KIAA1549L: variants seen among roughly 807,000 people sequenced by gnomAD.
KIAA1549L encodes KIAA1549 like.
A neutral mutation model predicts 160.7 loss-of-function variants in KIAA1549L; 88 were observed. The observed-to-expected ratio is 0.55, with a 90% confidence interval of 0.46 to 0.65. The LOEUF (loss-of-function observed/expected upper bound fraction) is 0.65. KIAA1549L is among the 30% of genes least tolerant of loss of function. The pLI is 0.00. For synonymous variants in KIAA1549L, 950 were observed against 976.7 expected (o/e 0.97, Z 0.51); for missense variants, 2,258 against 2,437.5 (o/e 0.93, Z 1.55).
chr11:33,509,653 T>G (rs1242653667), intron 1 of KIAA1549L, among the ~76,000 whole-genome samples: 2 of 152,230 alleles, frequency 1.3e-5, no homozygotes, highest in African/African-American at 4.8e-5. Context: ...GGTTTATGAT[T>G]TAGAGCCTTA....
intron 1 of KIAA1549L, among the ~76,000 whole-genome samples, chr11:33,538,063 A>G (rs1853932290): frequency 6.6e-6 from 1 of 152,194 alleles, no homozygotes; most frequent in Non-Finnish European, 1.5e-5. Flanking sequence ...GGCCTCAGGA[A>G]ACTTACAATT....
chr11:33,471,091 G>T (rs1179850385), intron 1 of KIAA1549L, among the ~76,000 whole-genome samples: 5 of 152,194 alleles, frequency 3.3e-5, no homozygotes, highest in Admixed American at 1.3e-4. Flanking sequence ...GAGTAGCTGG[G>T]ACTACACGCA....
intron 1 of KIAA1549L, among the ~76,000 whole-genome samples, chr11:33,505,514 G>T (rs563044055): frequency 4.4e-4 from 67 of 152,196 alleles, no homozygotes; most frequent in African/African-American, 1.4e-3. Context: ...TAATTGTTTT[G>T]TGTGTTAGAA....
intron 12 of KIAA1549L, among the ~76,000 whole-genome samples, chr11:33,595,695 A>C (rs1850181001): frequency 6.6e-6 from 1 of 152,120 alleles, no homozygotes; most frequent in African/African-American, 2.4e-5. Context: ...ACCCGTTATG[A>C]ATCTTATGTT....
chr11:33,421,842 G>A (rs973536298), intron 1 of KIAA1549L, among the ~76,000 whole-genome samples: 5 of 152,086 alleles, frequency 3.3e-5, no homozygotes, highest in Non-Finnish European at 5.9e-5. Flanking sequence ...CACAATTACT[G>A]GAGGGTTTGT....
At chr11:33,584,630 T>A (rs1051418365) in intron 11 of KIAA1549L, among the ~76,000 whole-genome samples, 2 of 152,244 alleles carry the variant, frequency 1.3e-5, no homozygotes, top group African/African-American at 4.8e-5. Flanking sequence ...ATCACCTCGT[T>A]TGTTCATCAC....
At chr11:33,485,532 C>A (rs897906778) in intron 1 of KIAA1549L, among the ~76,000 whole-genome samples, 13 of 151,660 alleles carry the variant, frequency 8.6e-5, no homozygotes, top group African/African-American at 3.2e-4. Context: ...ATTAAAAAAA[C>A]CTGTTATATA....
rs145495024 is a variant in KIAA1549L at position 33,648,812 on chromosome 11, G to C, written c.5760+2776G>C. Among the ~76,000 whole-genome samples the C allele has an allele frequency of 9.1e-4, 138 of 151,884 alleles. 2 individuals carry two copies. The East Asian group carries it at 0.026, about 29-fold the overall frequency. On this transcript the variant is annotated intron_variant, in intron 17 of 20. Coordinates refer to ENST00000658780, the MANE Select transcript of KIAA1549L (RefSeq NM_012194.3). ...CTTCCTGTTGTTGGGAGACAAGAAG[G>C]GGATTTCAAAAAAGACAACAGGGCT...
intron 13 of KIAA1549L, 159 bp downstream of exon 13, chr11:33,599,106 A>G (rs1476872438): frequency 4.1e-6 from 3 of 732,096 alleles, no homozygotes; most frequent in Non-Finnish European, 6.6e-6. Flanking sequence ...GTCTGTATGT[A>G]CCCCTTGGGT....
chr11:33,563,342 G>A (rs1854933837), intron 8 of KIAA1549L, among the ~76,000 whole-genome samples: 1 of 106,508 alleles, frequency 9.4e-6, no homozygotes, highest in Admixed American at 1.0e-4. Context: ...GAGTGAGACC[G>A]TGTCTCAAAA....
At chr11:33,663,336 T>C (rs1032100128) in intron 20 of KIAA1549L, among the ~76,000 whole-genome samples, 22 of 152,306 alleles carry the variant, frequency 1.4e-4, no homozygotes, top group Middle Eastern at 3.4e-3. Flanking sequence ...AAGTTGGTGA[T>C]GTCTGCCATG....
intron 7 of KIAA1549L, among the ~76,000 whole-genome samples, chr11:33,560,961 A>C (rs1406606468): frequency 6.6e-6 from 1 of 152,082 alleles, no homozygotes; most frequent in Non-Finnish European, 1.5e-5. Context: ...TCAGCATGTG[A>C]AGACTTTATT....
intron 17 of KIAA1549L, among the ~76,000 whole-genome samples, chr11:33,652,053 A>G (rs902774974): frequency 6.6e-6 from 1 of 150,516 alleles, no homozygotes; most frequent in Admixed American, 6.6e-5. Context: ...GACTGCCTTC[A>G]GTCCTGAGTC....
chr11:33,506,940 A>G (rs1853105066), intron 1 of KIAA1549L, among the ~76,000 whole-genome samples: 1 of 152,096 alleles, frequency 6.6e-6, no homozygotes, highest in Non-Finnish European at 1.5e-5. Context: ...TGGGCCAAGG[A>G]GGGCATGGTG....
chr11:33,638,424 A>T (rs1851497877), intron 16 of KIAA1549L, among the ~76,000 whole-genome samples: 1 of 15,834 alleles, frequency 6.3e-5, no homozygotes, highest in African/African-American at 8.0e-4. Context: ...AAAATAAATA[A>T]AAAAAAAAAA....
At chr11:33,643,187 A>G (rs1347232320) in intron 16 of KIAA1549L, among the ~76,000 whole-genome samples, 1 of 152,078 alleles carries the variant, frequency 6.6e-6, no homozygotes, top group Non-Finnish European at 1.5e-5. Flanking sequence ...TCATTTGGGG[A>G]TCATGGGGTA....
In KIAA1549L at chr11:33,609,823, G is replaced by A. The variant is rs746968299; in HGVS notation, c.5136G>A (p.Lys1712=). 3 of 1,613,910 alleles carry A rather than the reference G, an allele frequency of 1.9e-6. No individual in the cohort carries two copies. Among genetic ancestry groups the A allele is most frequent in the Non-Finnish European group, 2.5e-6 (3 of 1,179,846 alleles). ...RNKLRLKAKR[K]GYYDFPAVET... ...AGCTGCGCCTCAAAGCCAAGAGGAAGGGATATTACGACTTCCCTGCAGTGG... is the reference window on the plus strand; with the variant it reads ...AGCTGCGCCTCAAAGCCAAGAGGAAAGGATATTACGACTTCCCTGCAGTGG... Residue 1712 remains lysine, a synonymous_variant, in exon 15 of 21, where the codon AAG becomes AAA. Coordinates refer to ENST00000658780, the MANE Select transcript of KIAA1549L (RefSeq NM_012194.3).
intron 1 of KIAA1549L, among the ~76,000 whole-genome samples, chr11:33,467,896 G>T (rs950575953): frequency 1.1e-4 from 17 of 152,142 alleles, no homozygotes; most frequent in African/African-American, 4.1e-4. Context: ...AAGAGAAAAA[G>T]AACACCCAAA....
chr11:33,413,390 A>G (rs889843309), intron 1 of KIAA1549L, among the ~76,000 whole-genome samples: 2 of 150,978 alleles, frequency 1.3e-5, no homozygotes, highest in African/African-American at 2.4e-5. Flanking sequence ...GTGAGCTGTG[A>G]TCATGCCACT....
Sources: gnomAD v4.1 joint callset for allele counts (sites outside exome capture counted in the v4.1 genomes callset) on GRCh38, gnomAD v4.1.1 for gene constraint, MANE v1.5 for transcripts, NCBI Gene and HGNC (gene_info 2026-07-23, HGNC 2026-07-21) for gene names.